PHACTR1: variants seen among roughly 807,000 people sequenced by gnomAD.
The protein encoded by PHACTR1 is phosphatase and actin regulator 1.
In PHACTR1, 16 loss-of-function variants were observed where a neutral mutation model predicts 69.2. The ratio of observed to expected loss-of-function variants is 0.23; its 90% CI spans 0.16 to 0.35. The LOEUF (loss-of-function observed/expected upper bound fraction) is 0.35. Ranked by LOEUF, PHACTR1 falls within the 10% of genes least tolerant of loss-of-function variation. PHACTR1 has a pLI of 1.00. For synonymous variants in PHACTR1, 312 were observed against 284.5 expected, an observed-to-expected ratio of 1.10 and a Z score of -0.97; for missense variants, 510 against 734.7, an observed-to-expected ratio of 0.69 and a Z score of 3.54.
chr6:13,281,178 T>C lies in PHACTR1; in HGVS notation c.1510-2244T>C. On this transcript the variant is annotated intron_variant, in intron 12 of 14. Coordinates refer to ENST00000332995, the MANE Select transcript of PHACTR1 (RefSeq NM_030948.6). ...GACTCTGCCATAGATAGGACATTAG[T>C]AAAATCCAGGTCAGTTTCCAGGAAG... is the stretch of plus-strand genomic sequence containing the variant. The C allele has an allele frequency of 3.2e-6, 4 of 1,235,402 alleles. No individual in the cohort carries two copies. The South Asian group carries it at 5.4e-5, about 17-fold the overall frequency. The allele number at this position is 1,235,402 out of a possible 1,614,324, so 76.5% of individuals were successfully genotyped here.
chr6:12,717,798 C>T (rs1212471040), intron 2 of PHACTR1, 55 bp downstream of exon 2: 1 of 151,982 alleles, frequency 6.6e-6, no homozygotes, highest in African/African-American at 2.4e-5. Context: ...TTTTGTCTTA[C>T]CGGACTTGGT....
At chr6:13,223,680 C>T (rs1769065472) in intron 8 of PHACTR1, among the ~76,000 whole-genome samples, 1 of 152,148 alleles carries the variant, frequency 6.6e-6, no homozygotes, top group South Asian at 2.1e-4. Context: ...CAAGCCCTTC[C>T]TTTACCAACT....
intron 4 of PHACTR1, among the ~76,000 whole-genome samples, chr6:13,001,143 T>C (rs939992975): frequency 1.3e-5 from 2 of 152,222 alleles, no homozygotes; most frequent in African/African-American, 4.8e-5. Context: ...GTCATGCAAG[T>C]AATGTTGTGA....
intron 6 of PHACTR1, among the ~76,000 whole-genome samples, chr6:13,165,365 CTAAACAAAGTTTAAT>C (rs1759640419): frequency 6.6e-6 from 1 of 152,166 alleles, no homozygotes; most frequent in African/African-American, 2.4e-5. Context: ...TTTAAACAAA[CTAAACAAAGTTTAAT>C]TAAACAAAGT....
intron 3 of PHACTR1, among the ~76,000 whole-genome samples, chr6:12,722,332 A>G (rs1762230010): frequency 6.6e-6 from 1 of 152,224 alleles, no homozygotes; most frequent in Non-Finnish European, 1.5e-5. Flanking sequence ...CATTTCCCAC[A>G]TGACAGCCTC....
intron 4 of PHACTR1, among the ~76,000 whole-genome samples, chr6:12,990,496 C>T (rs1481108332): frequency 6.6e-6 from 1 of 152,254 alleles, no homozygotes; most frequent in African/African-American, 2.4e-5. Flanking sequence ...AGAGGGAGCA[C>T]ACAGGATAGT....
intron 4 of PHACTR1, among the ~76,000 whole-genome samples, chr6:12,849,622 A>G (rs1779638091): frequency 6.6e-6 from 1 of 152,168 alleles, no homozygotes; most frequent in African/African-American, 2.4e-5. Context: ...TGCTGATGTT[A>G]TGATTTCATT....
chr6:13,254,285 T>A (rs1774886663), intron 10 of PHACTR1, among the ~76,000 whole-genome samples: 1 of 152,170 alleles, frequency 6.6e-6, no homozygotes. Context: ...TATCCCAGAA[T>A]TAATTGAGGT....
rs1189131935 is a variant in PHACTR1 at position 13,287,272 on chromosome 6, G to A, written c.*194G>A. ...CGCAAAAGTGATGGCTCGGCGGTCC[G>A]AGCTGCTGGTCCCACTTCTGACACC... On this transcript the variant is annotated 3_prime_UTR_variant, in exon 15 of 15. Coordinates refer to ENST00000332995, the MANE Select transcript of PHACTR1 (RefSeq NM_030948.6). The A allele has an allele frequency of 2.6e-5, 16 of 626,566 alleles. No individual in the cohort carries two copies. Among genetic ancestry groups the A allele is most frequent in the Middle Eastern group, 4.3e-4 (1 of 2,324 alleles). 38.8% of individuals were successfully genotyped at this position (626,566 alleles called of 1,614,324 possible).
intron 4 of PHACTR1, among the ~76,000 whole-genome samples, chr6:12,770,037 G>T (rs1447880345): frequency 6.6e-6 from 1 of 152,102 alleles, no homozygotes; most frequent in Non-Finnish European, 1.5e-5. Context: ...TGTTTGGGAT[G>T]CTGATGCGAT....
At chr6:13,111,868 A>T (rs1583408417) in intron 5 of PHACTR1, among the ~76,000 whole-genome samples, 1 of 152,228 alleles carries the variant, frequency 6.6e-6, no homozygotes, top group South Asian at 2.1e-4. Flanking sequence ...GATATTTACT[A>T]AGTGCCTTCA....
Position 13,284,634 on chromosome 6 carries a change from AG to A in PHACTR1, c.1650+1073del, listed in dbSNP as rs368287543. 2.0e-5 allele frequency among the ~76,000 whole-genome samples: 3 copies of A among 149,312 alleles called. No individual in the cohort carries two copies. In the East Asian group the frequency reaches 5.9e-4, roughly 29 times the overall value. On this transcript the variant is annotated intron_variant, in intron 13 of 14. Transcript: ENST00000332995. ...TTCTGCCCAATGTGTAGGTAACGATAGAAACTATGGAGTGTGTCAGGGGCCT... is the reference window on the plus strand; with the variant it reads ...TTCTGCCCAATGTGTAGGTAACGATAAAACTATGGAGTGTGTCAGGGGCCT...
At chr6:12,973,465 C>G (rs1794473329) in intron 4 of PHACTR1, among the ~76,000 whole-genome samples, 1 of 152,144 alleles carries the variant, frequency 6.6e-6, no homozygotes, top group Admixed American at 6.5e-5. Context: ...AGAGAGGTCT[C>G]ATGACAAAGG....
At chr6:12,965,798 G>A (rs1396395378) in intron 4 of PHACTR1, among the ~76,000 whole-genome samples, 1 of 152,140 alleles carries the variant, frequency 6.6e-6, no homozygotes, top group Non-Finnish European at 1.5e-5. Flanking sequence ...CTACTTCAGT[G>A]TTCACAGTGA....
At chr6:13,004,866 C>T (rs1798590433) in intron 4 of PHACTR1, among the ~76,000 whole-genome samples, 1 of 152,144 alleles carries the variant, frequency 6.6e-6, no homozygotes, top group African/African-American at 2.4e-5. Flanking sequence ...ATAAGGGAAA[C>T]ACCTCAAACC....
chr6:13,174,648 A>G (rs1345953173), intron 6 of PHACTR1, among the ~76,000 whole-genome samples: 1 of 152,164 alleles, frequency 6.6e-6, no homozygotes, highest in Non-Finnish European at 1.5e-5. Context: ...AAAGGATTCT[A>G]TGTGGTTCTT....
At position 13,252,606 on chromosome 6, in the gene PHACTR1, T is replaced by C. The variant is rs1774626981; in HGVS notation, c.1392-20254T>C. Among the ~76,000 whole-genome samples, 5 of 148,834 alleles carry C rather than the reference T, an allele frequency of 3.4e-5. No homozygotes were observed. The South Asian group carries it at 8.5e-4, about 25-fold the overall frequency. ...TAGACATTCTTAAAATCTGCCATGC[T>C]GCTGTTATTAAAAAAAAAAAAAGTT... On this transcript the variant is annotated intron_variant, in intron 10 of 14. Transcript: ENST00000332995.
intron 7 of PHACTR1, chr6:13,185,034 A>G: frequency 7.5e-7 from 1 of 1,330,820 alleles, no homozygotes; most frequent in South Asian, 1.2e-5. Flanking sequence ...TGGGGCAAGC[A>G]GTCCCTCCTT....
At chr6:12,897,462 C>T (rs1005122909) in intron 4 of PHACTR1, among the ~76,000 whole-genome samples, 1 of 152,070 alleles carries the variant, frequency 6.6e-6, no homozygotes, top group Admixed American at 6.6e-5. Context: ...CCAGTCTCTC[C>T]CATGCTACAA....
Sources: gnomAD v4.1 joint callset for allele counts (sites outside exome capture counted in the v4.1 genomes callset) on GRCh38, gnomAD v4.1.1 for gene constraint, MANE v1.5 for transcripts, NCBI Gene and HGNC (gene_info 2026-07-23, HGNC 2026-07-21) for gene names.